Variants in TCERG1L observed in about 807,000 individuals in gnomAD.
The protein encoded by TCERG1L is transcription elongation regulator 1-like protein.
TCERG1L carries 37 observed loss-of-function variants against 56.3 expected under a neutral mutation model. That is an observed-to-expected ratio of 0.66 (90% CI 0.51 to 0.87). The LOEUF (loss-of-function observed/expected upper bound fraction) is 0.87, where lower values mean the gene tolerates loss of function less well. Ranked by LOEUF, TCERG1L falls within the 40% of genes least tolerant of loss-of-function variation. The probability of loss-of-function intolerance (pLI) is 0.00; values close to 1 mark genes in which losing one functional copy is unlikely to be tolerated. For synonymous variants in TCERG1L, 324 were observed against 326.3 expected (o/e 0.99, Z 0.08); for missense variants, 799 against 774.2 (o/e 1.03, Z -0.38).
At chr10:131,239,601 C>A (rs1034774902) in intron 4 of TCERG1L, among the ~76,000 whole-genome samples, 1 of 152,220 alleles carries the variant, frequency 6.6e-6, no homozygotes, top group Admixed American at 6.5e-5. Flanking sequence ...AGACATCCAT[C>A]GCACCAGAGT....
chr10:131,257,370 T>A (rs1197412519), intron 4 of TCERG1L, among the ~76,000 whole-genome samples: 1 of 152,222 alleles, frequency 6.6e-6, no homozygotes, highest in South Asian at 2.1e-4. Flanking sequence ...GGTTCACGGC[T>A]GAATCTGGAC....
intron 6 of TCERG1L, among the ~76,000 whole-genome samples, chr10:131,152,961 A>G (rs1845881453): frequency 6.6e-6 from 1 of 152,142 alleles, no homozygotes; most frequent in Admixed American, 6.5e-5. Flanking sequence ...CCATGACTCA[A>G]TTACCTCCAC....
At position 131,103,735 on chromosome 10, in the gene TCERG1L, T is replaced by C. The variant is rs892911044; in HGVS notation, c.1485+530A>G. ...AAAATAAAAGGTTTTGACGGCCTTGTGTGCAAGACTGTGGTTCTTGTAGAG... is the reference window on the plus strand; with the variant it reads ...AAAATAAAAGGTTTTGACGGCCTTGCGTGCAAGACTGTGGTTCTTGTAGAG... On this transcript the variant is annotated intron_variant, in intron 10 of 11. Coordinates refer to ENST00000368642, the MANE Select transcript of TCERG1L (RefSeq NM_174937.4). This position sits in a 1 kb window ranked among gnomAD's most constrained non-coding sequence, Gnocchi z 4.3. Among the ~76,000 whole-genome samples, 11 of 152,222 alleles carry C rather than the reference T, an allele frequency of 7.2e-5. No individual in the cohort carries two copies. The highest frequency in any genetic ancestry group is 2.7e-4 in the African/African-American group (11 of 41,464).
At position 131,267,324 on chromosome 10, in the gene TCERG1L, C is replaced by T. The variant is rs957481224; in HGVS notation, c.671-6880G>A. Among the ~76,000 whole-genome samples the T allele has an allele frequency of 1.4e-4, 22 of 152,182 alleles. No individual in the cohort carries two copies. Among genetic ancestry groups the T allele is most frequent in the African/African-American group, 4.1e-4 (17 of 41,452 alleles). ...CTTGGCCCCAACCCTACTCTAGGAT[C>T]GGAGTAAGCACTGGAAGCAGGGAGA... On this transcript the variant is annotated intron_variant, in intron 3 of 11. Coordinates refer to ENST00000368642, the MANE Select transcript of TCERG1L (RefSeq NM_174937.4). This position sits in a 1 kb window ranked among gnomAD's most constrained non-coding sequence, Gnocchi z 4.9.
chr10:131,299,391 GTTGT>G (rs770825138), intron 3 of TCERG1L, among the ~76,000 whole-genome samples: 3 of 151,042 alleles, frequency 2.0e-5, no homozygotes, highest in East Asian at 1.9e-4. Flanking sequence ...CTGCTTTTGG[GTTGT>G]TTATTATCAT....
chr10:131,093,504 G>T (rs907259506), intron 11 of TCERG1L, among the ~76,000 whole-genome samples, 186 bp from the exon 12 acceptor site: 1 of 152,052 alleles, frequency 6.6e-6, no homozygotes, highest in Non-Finnish European at 1.5e-5. Flanking sequence ...GTCCTGCAGG[G>T]CCCTGACCCA....
chr10:131,154,195 G>T (rs531626065), intron 6 of TCERG1L, among the ~76,000 whole-genome samples: 1 of 152,058 alleles, frequency 6.6e-6, no homozygotes, highest in Admixed American at 6.5e-5. Context: ...CATTATTTAA[G>T]TCTGGTACAG....
intron 3 of TCERG1L, among the ~76,000 whole-genome samples, chr10:131,268,926 G>A (rs1002620277): frequency 4.6e-5 from 7 of 152,200 alleles, no homozygotes; most frequent in Admixed American, 4.6e-4. Context: ...CAGTGAGGCT[G>A]TTTCACTTTA....
At position 131,255,749 on chromosome 10, in the gene TCERG1L, G is replaced by A. The variant is rs954136363; in HGVS notation, c.856+4510C>T. Among the ~76,000 whole-genome samples, 6 of 152,350 alleles carry A rather than the reference G, an allele frequency of 3.9e-5. No homozygotes were observed. In the South Asian group the frequency reaches 8.3e-4, roughly 21 times the overall value. On this transcript the variant is annotated intron_variant, in intron 4 of 11. Transcript: ENST00000368642. The stretch of plus-strand genomic sequence containing the variant: ...GAACGGAGCAGCTCAGAAAGAACGC[G>A]AGGTCCCAGGAGCATCGTTTTCTAG...
chr10:131,164,625 G>T (rs1483833135), intron 5 of TCERG1L, among the ~76,000 whole-genome samples: 1 of 152,100 alleles, frequency 6.6e-6, no homozygotes, highest in Non-Finnish European at 1.5e-5. Flanking sequence ...CTCTCTCTGG[G>T]AAAATTAGGT....
At chr10:131,258,199 G>T (rs575429634) in intron 4 of TCERG1L, among the ~76,000 whole-genome samples, 8 of 152,298 alleles carry the variant, frequency 5.3e-5, no homozygotes, top group African/African-American at 1.7e-4. Context: ...CGCTGAGACT[G>T]CCCATCAGCA....
In TCERG1L at chr10:131,230,045, C is replaced by T. The variant is rs368680724; in HGVS notation, c.856+30214G>A. On this transcript the variant is annotated intron_variant, in intron 4 of 11. Coordinates refer to ENST00000368642, the MANE Select transcript of TCERG1L (RefSeq NM_174937.4). ...GAGCAGCAGGTATGGGTGCCCCAGA[C>T]ACTCAGCTCTCCACTGCAACCCGAC... Among the ~76,000 whole-genome samples the T allele has an allele frequency of 5.3e-5, 8 of 152,202 alleles. No individual in the cohort carries two copies. The South Asian group carries it at 1.5e-3, about 28-fold the overall frequency.
chr10:131,257,730 C>A (rs556823127), intron 4 of TCERG1L, among the ~76,000 whole-genome samples: 1 of 152,156 alleles, frequency 6.6e-6, no homozygotes, highest in East Asian at 1.9e-4. Flanking sequence ...TAGCAACCCT[C>A]AGGTCATGAC....
chr10:131,119,672 C>T (rs548734408), intron 8 of TCERG1L, among the ~76,000 whole-genome samples: 83 of 152,330 alleles, frequency 5.4e-4, no homozygotes, highest in Admixed American at 1.4e-3. Context: ...AAAGCAAATG[C>T]AAACTAGCTA....
intron 9 of TCERG1L, among the ~76,000 whole-genome samples, chr10:131,115,493 C>T (rs571340009): frequency 9.2e-5 from 14 of 152,330 alleles, no homozygotes; most frequent in East Asian, 3.9e-4. Flanking sequence ...GCGTCCACAT[C>T]GCGCCAGGGC....
At chr10:131,258,302 T>C (rs971370479) in intron 4 of TCERG1L, among the ~76,000 whole-genome samples, 1 of 152,230 alleles carries the variant, frequency 6.6e-6, no homozygotes, top group East Asian at 1.9e-4. Flanking sequence ...CTCTATCCCA[T>C]CTCCGTCAAG....
chr10:131,190,428 T>G (rs1261025066), intron 4 of TCERG1L, among the ~76,000 whole-genome samples: 1 of 103,626 alleles, frequency 9.7e-6, no homozygotes, highest in Non-Finnish European at 2.2e-5. Context: ...TCTATGAAGC[T>G]AGTATCACCC....
intron 4 of TCERG1L, among the ~76,000 whole-genome samples, chr10:131,238,218 C>T (rs747112955): frequency 1.3e-5 from 2 of 152,182 alleles, no homozygotes; most frequent in African/African-American, 2.4e-5. Flanking sequence ...ACGGCCCCCA[C>T]GTGCTGTTCC....
chr10:131,241,170 C>G (rs547786776), intron 4 of TCERG1L, among the ~76,000 whole-genome samples: 2 of 148,898 alleles, frequency 1.3e-5, no homozygotes, highest in African/African-American at 5.0e-5. Flanking sequence ...AGGAGCCGCC[C>G]GCACGCAGAA....
Sources: allele counts gnomAD v4.1 joint callset (sites outside exome capture counted in the v4.1 genomes callset), GRCh38; gene constraint gnomAD v4.1.1; non-coding constraint Gnocchi (gnomAD v3.1); transcripts MANE v1.5; gene names NCBI Gene and HGNC (gene_info 2026-07-23, HGNC 2026-07-21).